The following EYA4 variants were observed in gnomAD, a reference collection of about 807,000 sequenced individuals.
The protein encoded by EYA4 is EYA transcriptional coactivator and phosphatase 4.
In EYA4, 31 loss-of-function variants were observed where a neutral mutation model predicts 87.9. That is an observed-to-expected ratio of 0.35 (90% CI 0.27 to 0.48). The LOEUF is 0.48. Ranked by LOEUF, EYA4 falls within the 20% of genes least tolerant of loss-of-function variation. The pLI is 0.99. For synonymous variants in EYA4, 263 were observed against 270.6 expected, an observed-to-expected ratio of 0.97 and a Z score of 0.28; for missense variants, 678 against 761.4, an observed-to-expected ratio of 0.89 and a Z score of 1.29.
chr6:133,530,961 A>T lies in EYA4; in HGVS notation c.*2156A>T. 2 of 1,241,342 alleles carry T rather than the reference A, an allele frequency of 1.6e-6. No homozygotes were observed. Among genetic ancestry groups the T allele is most frequent in the Non-Finnish European group, 1.0e-6 (1 of 989,588 alleles). 76.9% of individuals were successfully genotyped at this position (1,241,342 alleles called of 1,614,324 possible). ...TAATTATGTTGTGCACTAAAACCTT[A>T]AATATTTATTACTGTGAATAAAAAC... On this transcript the variant is annotated 3_prime_UTR_variant, in exon 20 of 20. Coordinates refer to ENST00000355286, the MANE Select transcript of EYA4 (RefSeq NM_004100.5).
In EYA4 at chr6:133,448,167, T is replaced by C; in HGVS notation, c.265T>C (p.Ser89Pro). The C allele has an allele frequency of 6.2e-7, 1 of 1,612,974 alleles. No individual in the cohort carries two copies. The highest frequency in any genetic ancestry group is 8.5e-7 in the Non-Finnish European group (1 of 1,178,964). ...ADWLLSCNTP[S>P]SATMSLLAVK... Reference sequence around the variant, plus strand: ...CTGGTTGCTGAGTTGCAACACCCCCTCTTCTGCAACAAGTATGAGAGATGC... The same window carrying C: ...CTGGTTGCTGAGTTGCAACACCCCCCCTTCTGCAACAAGTATGAGAGATGC... The change falls in exon 5 of 20, where the codon TCT becomes CCT. Residue 89 changes from serine (S) to proline (P), a missense_variant. By Grantham distance (74) the Ser-to-Pro change is moderately conservative. Coordinates refer to ENST00000355286, the MANE Select transcript of EYA4 (RefSeq NM_004100.5).
chr6:133,273,328 T>A (rs546589546), intron 1 of EYA4, among the ~76,000 whole-genome samples: 9 of 151,972 alleles, frequency 5.9e-5, no homozygotes, highest in Admixed American at 2.6e-4. Context: ...GCCTGCTTTA[T>A]ATTCGCTGGC....
intron 16 of EYA4, among the ~76,000 whole-genome samples, chr6:133,514,190 C>T (rs1036156619): frequency 1.4e-4 from 21 of 152,106 alleles, no homozygotes; most frequent in African/African-American, 4.8e-4. Context: ...TGCAAGCTGC[C>T]GACTTGCATG....
Position 133,456,647 on chromosome 6 carries a change from A to T in EYA4, c.369A>T (p.Ser123=). ...GDGALDTFTG[S]VITSSGYSPR... ...GAGCGCTTGACACTTTTACTGGGTCAGGTAAAGCCTTTAGCTCGTGTGTCC... is the reference window on the plus strand; with the variant it reads ...GAGCGCTTGACACTTTTACTGGGTCTGGTAAAGCCTTTAGCTCGTGTGTCC... The change falls in exon 6 of 20, where the codon TCA becomes TCT. Residue 123 remains serine, a splice_region_variant and synonymous_variant. Coordinates refer to ENST00000355286, the MANE Select transcript of EYA4 (RefSeq NM_004100.5). The T allele has an allele frequency of 6.2e-7, 1 of 1,607,080 alleles. No individual in the cohort carries two copies. The highest frequency in any genetic ancestry group is 8.5e-7 in the Non-Finnish European group (1 of 1,173,614).
At chr6:133,371,135 C>T (rs190525081) in intron 2 of EYA4, among the ~76,000 whole-genome samples, 55 of 152,188 alleles carry the variant, frequency 3.6e-4, no homozygotes, top group African/African-American at 1.1e-3. Flanking sequence ...TTGTTAAAGA[C>T]GACTGAGGGA....
chr6:133,527,938 C>T (rs1378005826), intron 19 of EYA4, among the ~76,000 whole-genome samples: 3 of 152,018 alleles, frequency 2.0e-5, no homozygotes, highest in African/African-American at 7.3e-5. Context: ...ACTCTTTAGA[C>T]AGTTTTTTTC....
intron 2 of EYA4, among the ~76,000 whole-genome samples, chr6:133,277,272 A>G: frequency 6.6e-6 from 1 of 152,138 alleles, no homozygotes; most frequent in African/African-American, 2.4e-5. Flanking sequence ...TATTTTACAG[A>G]TGAAACTGTG....
chr6:133,309,984 A>G (rs1319188847), intron 2 of EYA4, among the ~76,000 whole-genome samples: 2 of 152,218 alleles, frequency 1.3e-5, no homozygotes, highest in African/African-American at 4.8e-5. Flanking sequence ...TTTGCTGACA[A>G]TTAACAAGTC....
chr6:133,327,438 A>G (rs1044052457), intron 2 of EYA4, among the ~76,000 whole-genome samples: 5 of 152,108 alleles, frequency 3.3e-5, no homozygotes, highest in African/African-American at 1.2e-4. Flanking sequence ...GGTCTTTAAA[A>G]TATTTTTTTA....
chr6:133,255,649 G>A (rs933216871), intron 1 of EYA4, among the ~76,000 whole-genome samples: 2 of 151,922 alleles, frequency 1.3e-5, no homozygotes, highest in African/African-American at 4.8e-5. Flanking sequence ...ATGTGAGGAT[G>A]TAATTTATTT....
chr6:133,370,854 T>G (rs1785214260), intron 2 of EYA4, among the ~76,000 whole-genome samples: 2 of 152,180 alleles, frequency 1.3e-5, no homozygotes, highest in Non-Finnish European at 2.9e-5. Context: ...TATGGAACTA[T>G]TTTTTCCTGA....
intron 1 of EYA4, among the ~76,000 whole-genome samples, chr6:133,251,720 C>T (rs1036913575): frequency 1.2e-4 from 18 of 152,274 alleles, no homozygotes; most frequent in African/African-American, 3.6e-4. Flanking sequence ...CCTCCCTCCC[C>T]TGGTAATGAT....
chr6:133,494,838 A>G (rs1797494950), intron 13 of EYA4, among the ~76,000 whole-genome samples: 2 of 149,584 alleles, frequency 1.3e-5, no homozygotes, highest in African/African-American at 5.0e-5. Context: ...ATGTCAGAGT[A>G]AAAAATAAAT....
chr6:133,461,184 A>G lies in EYA4; in HGVS notation c.437+4A>G, dbSNP rs745413733. 1.2e-6 allele frequency: 2 copies of G among 1,605,806 alleles called. No homozygotes were observed. Among genetic ancestry groups the G allele is most frequent in the South Asian group, 2.2e-5 (2 of 90,912 alleles). On this transcript the variant is annotated splice_donor_region_variant and intron_variant, in intron 7 of 19. Transcript: ENST00000355286. ...CCCCACAGCTGTATCCTTCCAAGTA[A>G]GTGGTCAGTAGATTCTTGCTTTAAA...
chr6:133,339,070 G>C (rs1298625187), intron 2 of EYA4, among the ~76,000 whole-genome samples: 1 of 152,156 alleles, frequency 6.6e-6, no homozygotes, highest in Non-Finnish European at 1.5e-5. Context: ...AGCATGTGCT[G>C]TGTATCAGGA....
At chr6:133,310,172 A>T (rs1474681165) in intron 2 of EYA4, among the ~76,000 whole-genome samples, 1 of 152,182 alleles carries the variant, frequency 6.6e-6, no homozygotes, top group Non-Finnish European at 1.5e-5. Flanking sequence ...GCCATATAGG[A>T]TGGTCAATAA....
rs1462093285 is a variant in EYA4, at chr6:133,394,288, T to A, written c.83+11847T>A. 7.6e-3 allele frequency among the ~76,000 whole-genome samples: 121 copies of A among 15,838 alleles called. 9 individuals are homozygous for A. Among genetic ancestry groups the A allele is most frequent in the African/African-American group, 9.6e-3 (106 of 11,056 alleles). 10.4% of individuals were successfully genotyped at this position (15,838 alleles called of 152,430 possible). ...AAAATGTATATATAAGCTTGTGTTT[T>A]TTTTTTTTTTTTTTTTTTTTTTTTT... On this transcript the variant is annotated intron_variant, in intron 3 of 19. Transcript: ENST00000355286.
At chr6:133,433,035 T>C (rs1193813005) in intron 3 of EYA4, among the ~76,000 whole-genome samples, 2 of 152,216 alleles carry the variant, frequency 1.3e-5, no homozygotes, top group African/African-American at 4.8e-5. Flanking sequence ...TATTGTTATC[T>C]AATAAAAGCA....
intron 3 of EYA4, among the ~76,000 whole-genome samples, chr6:133,418,193 C>T (rs1789909940): frequency 6.6e-6 from 1 of 152,172 alleles, no homozygotes; most frequent in African/African-American, 2.4e-5. Context: ...AATCTGTGTA[C>T]TACCTAGCGA....
Sources: allele counts gnomAD v4.1 joint callset (sites outside exome capture counted in the v4.1 genomes callset), GRCh38; gene constraint gnomAD v4.1.1; transcripts MANE v1.5; gene names NCBI Gene and HGNC (gene_info 2026-07-23, HGNC 2026-07-21).